HUNK: variants seen among roughly 807,000 people sequenced by gnomAD.
HUNK encodes hormonally up-regulated neu tumor-associated kinase.
In HUNK, 21 loss-of-function variants were observed where a neutral mutation model predicts 61.0. That is an observed-to-expected ratio of 0.34 (90% CI 0.24 to 0.50). The LOEUF is 0.50. Among genes scored for constraint, HUNK ranks in the 20% least tolerant of loss-of-function variants. The pLI, the probability that HUNK is intolerant of heterozygous loss-of-function variation, is 0.98. For synonymous variants in HUNK, 371 were observed against 386.1 expected, an observed-to-expected ratio of 0.96 and a Z score of 0.46; for missense variants, 772 against 945.7, an observed-to-expected ratio of 0.82 and a Z score of 2.41.
chr21:31,985,580 C>G (rs774890217), intron 8 of HUNK, among the ~76,000 whole-genome samples: 13 of 152,164 alleles, frequency 8.5e-5, no homozygotes, highest in Non-Finnish European at 1.9e-4. Context: ...AGAGGAGAAA[C>G]TGGCAAAGAC....
intron 1 of HUNK, among the ~76,000 whole-genome samples, chr21:31,898,816 G>T (rs1486867983): frequency 6.6e-6 from 1 of 152,100 alleles, no homozygotes; most frequent in Non-Finnish European, 1.5e-5. Flanking sequence ...GAGAGAAAGG[G>T]CAGTGTCTAC....
intron 1 of HUNK, among the ~76,000 whole-genome samples, chr21:31,874,417 G>A (rs2052243802): frequency 6.6e-6 from 1 of 152,102 alleles, no homozygotes; most frequent in African/African-American, 2.4e-5. Context: ...CGGAGGAGGT[G>A]GGAGAAGGCT....
Position 31,983,561 on chromosome 21 carries a change from C to A in HUNK, c.1209C>A (p.Thr403=). The change falls in exon 8 of 11, where the codon ACC becomes ACA. Residue 403 remains threonine, a synonymous_variant. Coordinates refer to ENST00000270112, the MANE Select transcript of HUNK (RefSeq NM_014586.2). ...SDIQDSLCYK[T]RLYQIEKYRA... Reference sequence around the variant, plus strand: ...TCCAGGACAGCCTCTGCTACAAGACCCGGCTCTACCAGATAGAAAAGTACA... The same window carrying A: ...TCCAGGACAGCCTCTGCTACAAGACACGGCTCTACCAGATAGAAAAGTACA... 1 of 1,613,810 alleles carries A rather than the reference C, an allele frequency of 6.2e-7. No homozygotes were observed. Among genetic ancestry groups the A allele is most frequent in the Non-Finnish European group, 8.5e-7 (1 of 1,179,950 alleles).
intron 2 of HUNK, among the ~76,000 whole-genome samples, chr21:31,931,961 G>T (rs1261046839): frequency 6.6e-6 from 1 of 152,096 alleles, no homozygotes; most frequent in Non-Finnish European, 1.5e-5. Context: ...TATACACAGG[G>T]TGCACGCTGA....
intron 4 of HUNK, among the ~76,000 whole-genome samples, chr21:31,958,301 T>G (rs1028785138): frequency 6.6e-6 from 1 of 151,784 alleles, no homozygotes; most frequent in African/African-American, 2.4e-5. Context: ...TTTCTTTCTT[T>G]CTTTCTTTTT....
intron 1 of HUNK, among the ~76,000 whole-genome samples, chr21:31,881,070 G>A (rs1441638173): frequency 6.6e-6 from 1 of 152,230 alleles, no homozygotes; most frequent in Non-Finnish European, 1.5e-5. Context: ...GACAGTTGCT[G>A]AGGGCGGTTC....
At chr21:31,931,626 G>A (rs2123821374) in intron 2 of HUNK, among the ~76,000 whole-genome samples, 1 of 152,196 alleles carries the variant, frequency 6.6e-6, no homozygotes, top group South Asian at 2.1e-4. Context: ...CCTTCCCCAG[G>A]CCCCCTTGCT....
Position 31,974,662 on chromosome 21 carries a change from A to G in HUNK, c.1118A>G (p.His373Arg). The change falls in exon 7 of 11, where the codon CAC (histidine) becomes CGC (arginine). Residue 373 changes from histidine (H) to arginine (R), a missense_variant. Around this residue, in one of 2 missense-constraint regions of HUNK, gnomAD observed 413 missense variants for 444.4 expected, o/e 0.93. Transcript: ENST00000270112. ...ACTGTGCTCTCCAACCGCGCCTGCC[A>G]CATCCTGGCCATCTACTTCCTCTTA... ...INTVLSNRAC[H>R]ILAIYFLLNK... 1.2e-6 allele frequency: 2 copies of G among 1,614,090 alleles called. No individual in the cohort carries two copies. The highest frequency in any genetic ancestry group is 1.7e-6 in the Non-Finnish European group (2 of 1,180,000).
At chr21:31,975,388 C>T (rs1373231609) in intron 7 of HUNK, among the ~76,000 whole-genome samples, 1 of 152,158 alleles carries the variant, frequency 6.6e-6, no homozygotes, top group African/African-American at 2.4e-5. Context: ...TTGTCTCTCT[C>T]CAAATGGACA....
intron 1 of HUNK, among the ~76,000 whole-genome samples, chr21:31,883,709 T>C (rs971158846): frequency 3.3e-5 from 5 of 152,202 alleles, no homozygotes; most frequent in African/African-American, 1.2e-4. Flanking sequence ...TGTAAACATA[T>C]TTCTGAGGAG....
chr21:31,998,760 T>C lies in HUNK; in HGVS notation c.1721T>C (p.Leu574Pro). The C allele has an allele frequency of 4.3e-6, 7 of 1,614,180 alleles. No individual in the cohort carries two copies. The highest frequency in any genetic ancestry group is 5.9e-6 in the Non-Finnish European group (7 of 1,180,034). ...SVDRDDHVEV[L>P]SPSHHYRILN... Reference sequence around the variant, plus strand: ...GATCGCGACGACCACGTAGAAGTGCTGTCTCCCTCTCATCACTACAGGATT... The same window carrying C: ...GATCGCGACGACCACGTAGAAGTGCCGTCTCCCTCTCATCACTACAGGATT... Residue 574 changes from leucine (L) to proline (P), a missense_variant, in exon 11 of 11, where the codon CTG (leucine) becomes CCG (proline). Coordinates refer to ENST00000270112, the MANE Select transcript of HUNK (RefSeq NM_014586.2).
chr21:31,962,933 A>T (rs886693224), intron 5 of HUNK, among the ~76,000 whole-genome samples: 1 of 152,156 alleles, frequency 6.6e-6, no homozygotes, highest in Non-Finnish European at 1.5e-5. Flanking sequence ...AATTGTCCTG[A>T]CCCAGTAGGG....
chr21:31,931,544 T>C (rs1224761603), intron 2 of HUNK, among the ~76,000 whole-genome samples: 3 of 151,032 alleles, frequency 2.0e-5, no homozygotes, highest in Admixed American at 2.0e-4. Flanking sequence ...GCTCCGAGAG[T>C]TTAAATGACT....
intron 2 of HUNK, among the ~76,000 whole-genome samples, chr21:31,929,468 G>T (rs2052682776): frequency 6.6e-6 from 1 of 152,076 alleles, no homozygotes; most frequent in Non-Finnish European, 1.5e-5. Flanking sequence ...CCCTAAACGT[G>T]CTTACTGAGC....
intron 1 of HUNK, among the ~76,000 whole-genome samples, chr21:31,887,996 G>T (rs918191893): frequency 6.6e-6 from 1 of 151,846 alleles, no homozygotes; most frequent in African/African-American, 2.4e-5. Context: ...ACCATCTGCT[G>T]GGCCATGTCT....
At chr21:31,881,804 G>A (rs552666332) in intron 1 of HUNK, among the ~76,000 whole-genome samples, 123 of 152,270 alleles carry the variant, frequency 8.1e-4, no homozygotes, top group African/African-American at 2.8e-3. Context: ...CTCTCTCCCT[G>A]CAATGAGGGA....
At chr21:31,884,870 C>T (rs1316237223) in intron 1 of HUNK, among the ~76,000 whole-genome samples, 4 of 151,914 alleles carry the variant, frequency 2.6e-5, no homozygotes, top group Admixed American at 6.6e-5. Flanking sequence ...CCTCTGCCTT[C>T]TGGGTCAAGT....
chr21:31,917,691 A>AACACAC (rs1323303977), intron 1 of HUNK, among the ~76,000 whole-genome samples: 30 of 54,646 alleles, frequency 5.5e-4, no homozygotes, highest in African/African-American at 1.1e-3. Context: ...CCCATTCCCA[A>AACACAC]ACATACACAC....
In HUNK at chr21:31,895,803, A is replaced by G. The variant is rs554754342; in HGVS notation, c.261+21868A>G. On this transcript the variant is annotated intron_variant, in intron 1 of 10. Transcript: ENST00000270112. Reference sequence around the variant, plus strand: ...CCCTGGTAGAGGGTCAGTGTGAAGGAGGGCATTACCTTGAACCTGACAAGT... The same window carrying G: ...CCCTGGTAGAGGGTCAGTGTGAAGGGGGGCATTACCTTGAACCTGACAAGT... Among the ~76,000 whole-genome samples, 2 of 152,296 alleles carry G rather than the reference A, an allele frequency of 1.3e-5. 1 individual carries two copies. The highest frequency in any genetic ancestry group is 4.1e-4 in the South Asian group (2 of 4,824).
Sources: allele counts gnomAD v4.1 joint callset (sites outside exome capture counted in the v4.1 genomes callset), GRCh38; gene constraint gnomAD v4.1.1; regional missense constraint gnomAD v4.1.1; transcripts MANE v1.5; gene names NCBI Gene and HGNC (gene_info 2026-07-23, HGNC 2026-07-21).